The following ITGA9 variants were observed in gnomAD, a reference collection of about 807,000 sequenced individuals.
ITGA9 encodes the protein integrin subunit alpha 9.
A neutral mutation model predicts 127.8 loss-of-function variants in ITGA9; 56 were observed. The ratio of observed to expected loss-of-function variants is 0.44; its 90% confidence interval spans 0.35 to 0.55. The LOEUF (loss-of-function observed/expected upper bound fraction) is 0.55, where lower values mean the gene tolerates loss of function less well. ITGA9 is among the 20% of genes least tolerant of loss of function. The pLI is 0.00. For synonymous variants in ITGA9, 508 were observed against 514.5 expected (o/e 0.99, Z 0.17); for missense variants, 1,196 against 1,347.1 (o/e 0.89, Z 1.76).
chr3:37,797,503 A>G (rs1392414411), intron 26 of ITGA9, among the ~76,000 whole-genome samples: 1 of 152,184 alleles, frequency 6.6e-6, no homozygotes, highest in Admixed American at 6.5e-5. Flanking sequence ...TGAAAACAGG[A>G]GTAAGGCAGG....
intron 15 of ITGA9, among the ~76,000 whole-genome samples, chr3:37,621,342 T>C (rs1700126718): frequency 6.6e-6 from 1 of 152,242 alleles, no homozygotes; most frequent in Non-Finnish European, 1.5e-5. Context: ...AATACACCAA[T>C]TGAGGTTCCT....
chr3:37,677,123 C>G (rs1040142295), intron 17 of ITGA9, among the ~76,000 whole-genome samples: 1 of 152,182 alleles, frequency 6.6e-6, no homozygotes. Flanking sequence ...TGGTTTATTT[C>G]CTGGGTAATT....
chr3:37,737,339 G>A (rs917677047), intron 20 of ITGA9, among the ~76,000 whole-genome samples: 1 of 148,488 alleles, frequency 6.7e-6, no homozygotes, highest in East Asian at 1.9e-4. Context: ...TCTGCAAATT[G>A]TCTGGCTGGG....
intron 1 of ITGA9, among the ~76,000 whole-genome samples, chr3:37,457,013 A>C (rs1698267726): frequency 6.6e-6 from 1 of 152,226 alleles, no homozygotes. Flanking sequence ...TCTACTGGGC[A>C]GTGTGGGTTT....
At position 37,818,251 on chromosome 3, in the gene ITGA9, C is replaced by CTTTTTTTTTTTTT. The variant is rs1165189273; in HGVS notation, c.3010-626_3010-614dup. The CTTTTTTTTTTTTT allele has an allele frequency of 5.3e-5, 3 of 57,022 alleles. 1 individual carries two copies. Among genetic ancestry groups the CTTTTTTTTTTTTT allele is most frequent in the African/African-American group, 1.8e-4 (3 of 16,750 alleles). The allele number at this position is 57,022 out of a possible 1,614,324, so 3.5% of individuals were successfully genotyped here. ...TCCCAAACTTATTTGACCATGAAAC[C>CTTTTTTTTTTTTT]TTTTTTTTTTTTTTTTTTTTTTTTT... On this transcript the variant is annotated intron_variant, in intron 27 of 27. Coordinates refer to ENST00000264741, the MANE Select transcript of ITGA9 (RefSeq NM_002207.3).
intron 16 of ITGA9, among the ~76,000 whole-genome samples, chr3:37,645,241 G>C (rs1700366087): frequency 1.3e-5 from 2 of 152,156 alleles, no homozygotes; most frequent in South Asian, 4.1e-4. Flanking sequence ...CATAGGGGCA[G>C]AGACCTTCTG....
chr3:37,527,931 GCACACCACCAC>G (rs1215191761), intron 13 of ITGA9, among the ~76,000 whole-genome samples: 2 of 152,064 alleles, frequency 1.3e-5, no homozygotes, highest in Admixed American at 1.3e-4. Context: ...GATCACAGGT[GCACACCACCAC>G]ACCTGGCTAA....
At chr3:37,617,076 G>A (rs1700082170) in intron 15 of ITGA9, among the ~76,000 whole-genome samples, 1 of 152,162 alleles carries the variant, frequency 6.6e-6, no homozygotes, top group South Asian at 2.1e-4. Context: ...TTTACAATTT[G>A]GCATGTTTTT....
At chr3:37,674,867 A>G (rs1189448109) in intron 17 of ITGA9, among the ~76,000 whole-genome samples, 1 of 152,218 alleles carries the variant, frequency 6.6e-6, no homozygotes, top group African/African-American at 2.4e-5. Context: ...CAAGAAGGAA[A>G]GTGAACAGAA....
At chr3:37,504,363 A>C (rs1289553127) in intron 6 of ITGA9, among the ~76,000 whole-genome samples, 1 of 152,236 alleles carries the variant, frequency 6.6e-6, no homozygotes, top group Non-Finnish European at 1.5e-5. Context: ...ACATCTTGCC[A>C]AGGTCACATG....
chr3:37,738,452 G>A (rs1274002689), intron 20 of ITGA9, among the ~76,000 whole-genome samples: 2 of 152,190 alleles, frequency 1.3e-5, no homozygotes, highest in Admixed American at 1.3e-4. Context: ...AGTGGGAATG[G>A]GGCTGAAAGA....
intron 15 of ITGA9, among the ~76,000 whole-genome samples, chr3:37,564,578 C>G (rs1195656101): frequency 1.3e-5 from 2 of 152,218 alleles, no homozygotes; most frequent in Non-Finnish European, 2.9e-5. Context: ...CTTTCTCTTC[C>G]TCCCTTGTCA....
At chr3:37,790,759 G>A (rs1370873091) in intron 26 of ITGA9, 2 of 153,090 alleles carry the variant, frequency 1.3e-5, no homozygotes, top group African/African-American at 4.8e-5. Context: ...TGCCATGTGA[G>A]ACCTGTGTGA....
intron 1 of ITGA9, among the ~76,000 whole-genome samples, chr3:37,457,075 A>G: frequency 6.6e-6 from 1 of 152,198 alleles, no homozygotes; most frequent in East Asian, 1.9e-4. Flanking sequence ...AAGGAGAGGT[A>G]AGAAAAAGAA....
In ITGA9 at chr3:37,615,511, C is replaced by T. The variant is rs191798886; in HGVS notation, c.1690-13676C>T. ...GAATTGGGGAGGATTCCCTCTTTTT[C>T]TGTTGATTGGAATAGTTTCAGAAGG... On this transcript the variant is annotated intron_variant, in intron 15 of 27. Coordinates refer to ENST00000264741, the MANE Select transcript of ITGA9 (RefSeq NM_002207.3). Among the ~76,000 whole-genome samples, 1,039 of 152,284 alleles carry T rather than the reference C, an allele frequency of 6.8e-3. 16 individuals carry two copies. Among genetic ancestry groups the T allele is most frequent in the African/African-American group, 0.024 (998 of 41,556 alleles).
intron 26 of ITGA9, among the ~76,000 whole-genome samples, chr3:37,789,591 C>G (rs1697081857): frequency 7.2e-6 from 1 of 138,958 alleles, no homozygotes; most frequent in Non-Finnish European, 1.6e-5. Context: ...AACCCTGTCT[C>G]TACTAAAAAA....
At chr3:37,652,084 GTGAGACC>G (rs1700434479) in intron 16 of ITGA9, among the ~76,000 whole-genome samples, 1 of 151,660 alleles carries the variant, frequency 6.6e-6, no homozygotes, top group Non-Finnish European at 1.5e-5. Context: ...TCCAGGTTTT[GTGAGACC>G]TGAGGCTTAT....
At chr3:37,561,024 C>G (rs747903558) in intron 15 of ITGA9, among the ~76,000 whole-genome samples, 1 of 152,082 alleles carries the variant, frequency 6.6e-6, no homozygotes, top group Non-Finnish European at 1.5e-5. Flanking sequence ...CTAAGGACTC[C>G]GGTCAGATTG....
intron 18 of ITGA9, among the ~76,000 whole-genome samples, chr3:37,692,461 A>C (rs943670112): frequency 2.0e-5 from 3 of 151,866 alleles, no homozygotes; most frequent in African/African-American, 7.3e-5. Flanking sequence ...ACTGTAAAAA[A>C]AAATAGAGAC....
Sources: gnomAD v4.1 joint callset for allele counts (sites outside exome capture counted in the v4.1 genomes callset) on GRCh38, gnomAD v4.1.1 for gene constraint, MANE v1.5 for transcripts, NCBI Gene and HGNC (gene_info 2026-07-23, HGNC 2026-07-21) for gene names.